Variants in CHRNB1 observed in about 807,000 individuals in gnomAD.
CHRNB1 encodes acetylcholine receptor subunit beta.
CHRNB1 carries 47 observed loss-of-function variants against 53.8 expected under a neutral mutation model. The ratio of observed to expected loss-of-function variants is 0.87; its 90% CI spans 0.69 to 1.11. The LOEUF is 1.11. Ranked by LOEUF, CHRNB1 falls within the 50% of genes most tolerant of loss-of-function variation. The pLI is 0.00. For synonymous variants in CHRNB1, 259 were observed against 263.5 expected, an observed-to-expected ratio of 0.98 and a Z score of 0.16; for missense variants, 605 against 654.9, an observed-to-expected ratio of 0.92 and a Z score of 0.83.
chr17:7,446,250 C>T (rs1908605509), intron 3 of CHRNB1, 137 bp downstream of exon 3: 1 of 774,744 alleles, frequency 1.3e-6, no homozygotes, highest in African/African-American at 1.7e-5. Flanking sequence ...CTCGAAGAAA[C>T]AACACTTAAC....
At chr17:7,448,275 A>G (rs1332694290) in intron 6 of CHRNB1, among the ~76,000 whole-genome samples, 1 of 151,240 alleles carries the variant, frequency 6.6e-6, no homozygotes, top group Non-Finnish European at 1.5e-5. Context: ...AATCCCAGCT[A>G]CTTGGGAGGC....
At chr17:7,455,987 G>A (rs1218261385) in intron 10 of CHRNB1, 46 bp downstream of exon 10, 7 of 1,597,248 alleles carry the variant, frequency 4.4e-6, no homozygotes, top group Non-Finnish European at 6.0e-6. Context: ...GGCGACCTTG[G>A]CCCCACCCCC....
At position 7,457,012 on chromosome 17, in the gene CHRNB1, T is replaced by A. The variant is rs948600692; in HGVS notation, c.*289T>A. ...CAGAACAGGAACTAGATTATAAGCC[T>A]TATGAGGTCAAGAAATGTGACTTGG... On this transcript the variant is annotated 3_prime_UTR_variant, in exon 11 of 11. Coordinates refer to ENST00000306071, the MANE Select transcript of CHRNB1 (RefSeq NM_000747.3). 2 of 426,600 alleles carry A rather than the reference T, an allele frequency of 4.7e-6. No homozygotes were observed. The highest frequency in any genetic ancestry group is 4.0e-5 in the African/African-American group (2 of 49,690). 26.4% of individuals were successfully genotyped at this position (426,600 alleles called of 1,614,324 possible). A position where few individuals can be genotyped will look rare whatever the true frequency, so the allele number is the denominator to read the frequency against.
chr17:7,456,673 A>G lies in CHRNB1; in HGVS notation c.1456A>G (p.Ile486Val). ...IIFTSVGTLVIFLDATYHLPP... is the reference protein window; with the variant it reads ...IIFTSVGTLVVFLDATYHLPP... ...CTTCACCAGCGTTGGGACCCTAGTC[A>G]TCTTCCTGGACGCCACGTACCACTT... The change falls in exon 11 of 11, where the codon ATC (isoleucine) becomes GTC (valine). Residue 486 changes from isoleucine (I) to valine (V), a missense_variant. By Grantham distance (29) the Ile-to-Val change is conservative. Coordinates refer to ENST00000306071, the MANE Select transcript of CHRNB1 (RefSeq NM_000747.3). 2 of 1,614,050 alleles carry G rather than the reference A, an allele frequency of 1.2e-6. No homozygotes were observed. Among genetic ancestry groups the G allele is most frequent in the Non-Finnish European group, 1.7e-6 (2 of 1,180,022 alleles).
chr17:7,454,328 G>T lies in CHRNB1; in HGVS notation c.852G>T (p.Leu284=), dbSNP rs145826933. Residue 284 remains leucine, a synonymous_variant, in exon 8 of 11, where the codon CTG becomes CTT. Transcript: ENST00000306071. ...GEKMGLSIFA[L]LTLTVFLLLL... is the part of the protein sequence containing the mutation. ...AGATGGGGCTCTCAATCTTTGCCCT[G>T]CTGACCCTTACTGTGTTCCTGCTGC... 2.2e-5 allele frequency: 35 copies of T among 1,614,022 alleles called. No homozygotes were observed. The highest frequency in any genetic ancestry group is 2.7e-5 in the Non-Finnish European group (32 of 1,180,016).
intron 7 of CHRNB1, among the ~76,000 whole-genome samples, chr17:7,452,610 C>A (rs957366199): frequency 2.0e-5 from 3 of 152,204 alleles, no homozygotes; most frequent in Non-Finnish European, 4.4e-5. Context: ...GTCAGTTTAC[C>A]ATTGCCATGG....
intron 7 of CHRNB1, among the ~76,000 whole-genome samples, chr17:7,450,587 T>A (rs1908850108): frequency 6.6e-6 from 1 of 152,218 alleles, no homozygotes; most frequent in Non-Finnish European, 1.5e-5. Context: ...GCACTGGGTT[T>A]TGGGTTGTTT....
Position 7,456,627 on chromosome 17 carries a change from C to T in CHRNB1, c.1410C>T (p.Leu470=), listed in dbSNP as rs765737150. ...WQFVAMVVDR[L]FLWTFIIFTS... Reference sequence around the variant, plus strand: ...TTGTGGCCATGGTAGTGGACCGCCTCTTCCTGTGGACTTTCATCATCTTCA... The same window carrying T: ...TTGTGGCCATGGTAGTGGACCGCCTTTTCCTGTGGACTTTCATCATCTTCA... Residue 470 remains leucine (L), a synonymous_variant, in exon 11 of 11, where the codon CTC becomes CTT. Coordinates refer to ENST00000306071, the MANE Select transcript of CHRNB1 (RefSeq NM_000747.3). 4 of 1,614,038 alleles carry T rather than the reference C, an allele frequency of 2.5e-6. No homozygotes were observed. The highest frequency in any genetic ancestry group is 2.2e-5 in the East Asian group (1 of 44,884).
In CHRNB1 at chr17:7,457,553, A is replaced by G. The variant is rs890377476; in HGVS notation, c.*830A>G. ...ACAGTTTGAGACCAGCCTGGGCAAC[A>G]TAGTGAGACCCTGTCTCTAAAAAAA... On this transcript the variant is annotated 3_prime_UTR_variant, in exon 11 of 11. Coordinates refer to ENST00000306071, the MANE Select transcript of CHRNB1 (RefSeq NM_000747.3). 1 of 152,224 alleles carries G rather than the reference A, an allele frequency of 6.6e-6. No homozygotes were observed. The highest frequency in any genetic ancestry group is 1.5e-5 in the Non-Finnish European group (1 of 68,046). The allele number at this position is 152,224 out of a possible 1,614,324, so 9.4% of individuals were successfully genotyped here.
Position 7,455,363 on chromosome 17 carries a change from A to G in CHRNB1, c.1124A>G (p.His375Arg). 2 of 1,614,112 alleles carry G rather than the reference A, an allele frequency of 1.2e-6. No homozygotes were observed. The highest frequency in any genetic ancestry group is 1.7e-6 in the Non-Finnish European group (2 of 1,180,014). The stretch of plus-strand genomic sequence containing the variant: ...AGAGACCTGATGCCGGAGCCCCCTC[A>G]CTGTTCTTCTCCAGGAAGTGGCTGG... The part of the protein sequence containing the change: ...PERDLMPEPP[H>R]CSSPGSGWGR... Residue 375 changes from histidine to arginine, a missense_variant, in exon 9 of 11, where the codon CAC becomes CGC. Transcript: ENST00000306071.
At chr17:7,446,789 C>T in intron 3 of CHRNB1, 44 bp from the exon 4 acceptor site, 1 of 1,518,062 alleles carries the variant, frequency 6.6e-7, no homozygotes, top group Non-Finnish European at 9.1e-7. Flanking sequence ...CAAGTCCCTC[C>T]CGGCCTCCAA....
intron 7 of CHRNB1, among the ~76,000 whole-genome samples, chr17:7,449,024 C>T (rs1421034326): frequency 1.3e-5 from 2 of 152,066 alleles, no homozygotes; most frequent in African/African-American, 4.8e-5. Flanking sequence ...CTCTGAACCA[C>T]AAACCTCCAG....
At position 7,448,793 on chromosome 17, in the gene CHRNB1, T is replaced by C; in HGVS notation, c.820+5T>C. The C allele has an allele frequency of 6.2e-7, 1 of 1,612,458 alleles. No individual in the cohort carries two copies. The highest frequency in any genetic ancestry group is 1.1e-5 in the South Asian group (1 of 91,058). ...TCTACCTGCCACCAGATGCAGGTAA[T>C]GGGGGAAGGGGCTCCTTACTCTTTT... On this transcript the variant is annotated splice_donor_5th_base_variant and intron_variant, in intron 7 of 10. Coordinates refer to ENST00000306071, the MANE Select transcript of CHRNB1 (RefSeq NM_000747.3).
intron 7 of CHRNB1, among the ~76,000 whole-genome samples, chr17:7,450,758 T>C (rs764713789): frequency 2.0e-5 from 3 of 152,232 alleles, no homozygotes; most frequent in Non-Finnish European, 2.9e-5. Context: ...GTCATTTGCC[T>C]GAAATCATTA....
intron 10 of CHRNB1, 51 bp downstream of exon 10, chr17:7,455,992 A>ACC: frequency 1.3e-6 from 2 of 1,507,808 alleles, no homozygotes; most frequent in Non-Finnish European, 8.9e-7. Context: ...CCTTGGCCCC[A>ACC]CCCCCAAATT....
At chr17:7,456,164 C>T (rs969118689) in intron 10 of CHRNB1, among the ~76,000 whole-genome samples, 3 of 147,898 alleles carry the variant, frequency 2.0e-5, no homozygotes, top group African/African-American at 7.6e-5. Flanking sequence ...AGCGATTGTC[C>T]TGCCTCAGCC....
At position 7,446,919 on chromosome 17, in the gene CHRNB1, C is replaced by G. The variant is rs760133867; in HGVS notation, c.330C>G (p.Leu110=). 34 of 1,613,870 alleles carry G rather than the reference C, an allele frequency of 2.1e-5. No homozygotes were observed. Among genetic ancestry groups the G allele is most frequent in the Non-Finnish European group, 2.7e-5 (32 of 1,179,986 alleles). The change falls in exon 4 of 11, where the codon CTC becomes CTG. Residue 110 remains leucine (L), a synonymous_variant. Transcript: ENST00000306071. The part of the protein sequence containing the change: ...SLRITAESVW[L]PDVVLLNNND... Reference sequence around the variant, plus strand: ...GCATCACGGCGGAATCCGTGTGGCTCCCTGACGTGGTGCTACTGAACAAGT... The same window carrying G: ...GCATCACGGCGGAATCCGTGTGGCTGCCTGACGTGGTGCTACTGAACAAGT...
chr17:7,445,303 G>A lies in CHRNB1; in HGVS notation c.92G>A (p.Arg31Gln). ...GGCTCGGAGGCGGAGGGTCGACTCC[G>A]GGAGAAACTTTTCTCTGGCTATGAT... ...VRGSEAEGRL[R>Q]EKLFSGYDSS... Residue 31 changes from arginine to glutamine, a missense_variant, in exon 2 of 11, where the codon CGG (arginine) becomes CAG (glutamine). Physicochemically the swap from Arg to Gln is conservative, Grantham distance 43. Transcript: ENST00000306071. This position sits in a 1 kb window ranked among gnomAD's most constrained non-coding sequence, Gnocchi z 5.7. 6.2e-7 allele frequency: 1 copy of A among 1,612,874 alleles called. No individual in the cohort carries two copies. The highest frequency in any genetic ancestry group is 8.5e-7 in the Non-Finnish European group (1 of 1,179,788).
At chr17:7,446,172 T>A in intron 3 of CHRNB1, 59 bp downstream of exon 3, 1 of 1,390,246 alleles carries the variant, frequency 7.2e-7, no homozygotes, top group Non-Finnish European at 1.0e-6. Context: ...TTTCCTTGAA[T>A]ATCCAGCCCA....
Sources: allele counts gnomAD v4.1 joint callset (sites outside exome capture counted in the v4.1 genomes callset), GRCh38; gene constraint gnomAD v4.1.1; non-coding constraint Gnocchi (gnomAD v3.1); transcripts MANE v1.5; gene names NCBI Gene and HGNC (gene_info 2026-07-23, HGNC 2026-07-21).